Variants in UGT1A6 observed in about 807,000 individuals in gnomAD.
The protein encoded by UGT1A6 is UDP glucuronosyltransferase family 1 member A6.
In UGT1A6, 32 loss-of-function variants were observed where a neutral mutation model predicts 44.4. That is an observed-to-expected ratio of 0.72 (90% CI 0.54 to 0.97). The LOEUF is 0.97. Ranked by LOEUF, UGT1A6 falls within the 50% of genes least tolerant of loss-of-function variation. UGT1A6 has a pLI of 0.00. For missense variants in UGT1A6, 685 were observed against 661.9 expected, an observed-to-expected ratio of 1.03 and a Z score of -0.38; for synonymous variants, 238 against 248.5, an observed-to-expected ratio of 0.96 and a Z score of 0.40.
intron 1 of UGT1A6, among the ~76,000 whole-genome samples, chr2:233,696,927 TA>T (rs2075366048): frequency 6.6e-6 from 1 of 152,164 alleles, no homozygotes; most frequent in Non-Finnish European, 1.5e-5. Flanking sequence ...AATATATCAA[TA>T]AATGCATCAG....
At chr2:233,728,976 T>C in intron 1 of UGT1A6, 1 of 1,491,464 alleles carries the variant, frequency 6.7e-7, no homozygotes, top group Non-Finnish European at 9.0e-7. Context: ...GATAGATTAA[T>C]GGTTAATAAT....
intron 1 of UGT1A6, among the ~76,000 whole-genome samples, chr2:233,705,897 G>A (rs557089333): frequency 4.5e-4 from 68 of 152,196 alleles, no homozygotes; most frequent in South Asian, 2.5e-3. Context: ...AGACTGCCCT[G>A]GCCAAAATAG....
At chr2:233,712,068 A>G (rs1488052828) in intron 1 of UGT1A6, among the ~76,000 whole-genome samples, 1 of 152,218 alleles carries the variant, frequency 6.6e-6, no homozygotes, top group Non-Finnish European at 1.5e-5. Context: ...AATCTTCAGG[A>G]TGAAATAAAG....
chr2:233,729,091 G>T (rs745755811), intron 1 of UGT1A6: 4 of 1,612,602 alleles, frequency 2.5e-6, no homozygotes, highest in African/African-American at 2.7e-5. Flanking sequence ...GGCACAGCGT[G>T]GGGTGGACAG....
At chr2:233,697,336 T>C (rs2075385854) in intron 1 of UGT1A6, among the ~76,000 whole-genome samples, 1 of 152,124 alleles carries the variant, frequency 6.6e-6, no homozygotes, top group East Asian at 1.9e-4. Context: ...ATGTATCCAT[T>C]TCCTCTAGGT....
intron 1 of UGT1A6, among the ~76,000 whole-genome samples, chr2:233,703,168 T>C (rs1403871395): frequency 6.6e-6 from 1 of 152,208 alleles, no homozygotes; most frequent in East Asian, 1.9e-4. Flanking sequence ...CTTGATTCAA[T>C]TTCAGTAGTT....
chr2:233,704,283 A>C (rs1425877404), intron 1 of UGT1A6, among the ~76,000 whole-genome samples: 1 of 126,250 alleles, frequency 7.9e-6, no homozygotes, highest in African/African-American at 3.3e-5. Context: ...CATTGAGTGA[A>C]TATTTTCTAG....
chr2:233,765,443 C>A (rs1381375490), intron 1 of UGT1A6, among the ~76,000 whole-genome samples: 1 of 152,114 alleles, frequency 6.6e-6, no homozygotes, highest in Non-Finnish European at 1.5e-5. Flanking sequence ...GGAATGAGAT[C>A]ATATTCTTTG....
rs533353525 is a variant in UGT1A6 at position 233,716,906 on chromosome 2, C to T, written c.861+23041C>T. ...GCCCAGACCCCTCCTCATCTCCAGA[C>T]CCTGGAAGCTGATGCCTTGGGCAGC... On this transcript the variant is annotated intron_variant, in intron 1 of 4. Transcript: ENST00000305139. 3.3e-5 allele frequency among the ~76,000 whole-genome samples: 5 copies of T among 152,262 alleles called. No individual in the cohort carries two copies. The South Asian group carries it at 8.3e-4, about 25-fold the overall frequency.
At chr2:233,761,013 G>A in intron 1 of UGT1A6, 1 of 1,614,176 alleles carries the variant, frequency 6.2e-7, no homozygotes, top group Non-Finnish European at 8.5e-7. Flanking sequence ...AGAGAGAGGT[G>A]ACTGTCCAGG....
chr2:233,729,346 T>C (rs1339922469), intron 1 of UGT1A6: 1 of 1,614,150 alleles, frequency 6.2e-7, no homozygotes, highest in Non-Finnish European at 8.5e-7. Context: ...AGAAGAGAAC[T>C]TTTTCACCCT....
intron 1 of UGT1A6, among the ~76,000 whole-genome samples, chr2:233,698,253 G>A (rs146882622): frequency 8.7e-4 from 132 of 152,208 alleles, no homozygotes; most frequent in African/African-American, 3.0e-3. Flanking sequence ...AATTTCTTTT[G>A]TCCAATAATC....
chr2:233,703,224 C>T (rs546346413), intron 1 of UGT1A6, among the ~76,000 whole-genome samples: 1 of 152,140 alleles, frequency 6.6e-6, no homozygotes, highest in African/African-American at 2.4e-5. Context: ...TTATCTAATT[C>T]CTTGGCATAA....
At chr2:233,755,130 T>C (rs191550208) in intron 1 of UGT1A6, 4 of 1,321,300 alleles carry the variant, frequency 3.0e-6, no homozygotes, top group African/African-American at 1.5e-5. Flanking sequence ...AGCCACCTGC[T>C]TGAATCTTCT....
chr2:233,740,994 G>A (rs1691532942), intron 1 of UGT1A6: 1 of 151,722 alleles, frequency 6.6e-6, no homozygotes, highest in African/African-American at 2.4e-5. Flanking sequence ...TGCTGAGGAG[G>A]AAGGATCACT....
chr2:233,741,622 A>G (rs1467622913), intron 1 of UGT1A6: 1 of 151,894 alleles, frequency 6.6e-6, no homozygotes, highest in Non-Finnish European at 1.5e-5. Context: ...GTCAGACCCC[A>G]TGAGCCCCTG....
Position 233,719,547 on chromosome 2 carries a change from GTGTCAGTGGTGGATCT to G in UGT1A6, c.861+25689_861+25704del. 3 of 1,613,900 alleles carry G rather than the reference GTGTCAGTGGTGGATCT, an allele frequency of 1.9e-6. No individual in the cohort carries two copies. The Middle Eastern group carries it at 5.0e-4, about 266-fold the overall frequency. The stretch of plus-strand genomic sequence containing the variant: ...TGCCTCTGAGCTTTTTCAGAGAGAG[GTGTCAGTGGTGGATCT>G]TGTCAGCTATGCATCCGTGTGGCTG... On this transcript the variant is annotated intron_variant, in intron 1 of 4. Coordinates refer to ENST00000305139, the MANE Select transcript of UGT1A6 (RefSeq NM_001072.4).
chr2:233,725,598 A>C (rs2077461459), intron 1 of UGT1A6, among the ~76,000 whole-genome samples: 1 of 152,158 alleles, frequency 6.6e-6, no homozygotes, highest in Admixed American at 6.5e-5. Flanking sequence ...TATTTGACAT[A>C]GTTTTTTCTT....
At chr2:233,727,412 AG>A (rs1009370497) in intron 1 of UGT1A6, among the ~76,000 whole-genome samples, 2 of 152,150 alleles carry the variant, frequency 1.3e-5, no homozygotes, top group African/African-American at 2.4e-5. Context: ...GGGCCTCCTC[AG>A]GGTCTGGGAG....
Sources: gnomAD v4.1 joint callset for allele counts (sites outside exome capture counted in the v4.1 genomes callset) on GRCh38, gnomAD v4.1.1 for gene constraint, MANE v1.5 for transcripts, NCBI Gene and HGNC (gene_info 2026-07-23, HGNC 2026-07-21) for gene names.